SERINC4: variants seen among roughly 807,000 people sequenced by gnomAD.
The protein encoded by SERINC4 is serine incorporator 4.
Under a neutral mutation model 52.0 loss-of-function variants are expected in SERINC4, and 52 were observed. The ratio of observed to expected loss-of-function variants is 1.00; its 90% CI spans 0.80 to 1.26. SERINC4 has a LOEUF of 1.26. Ranked by LOEUF, SERINC4 falls within the 50% of genes most tolerant of loss-of-function variation. The probability of loss-of-function intolerance (pLI) is 0.00; values close to 1 mark genes in which losing one functional copy is unlikely to be tolerated. For synonymous variants in SERINC4, 264 were observed against 247.7 expected, an observed-to-expected ratio of 1.07 and a Z score of -0.62; for missense variants, 723 against 632.8, an observed-to-expected ratio of 1.14 and a Z score of -1.53.
At chr15:43,795,278 C>T (rs1463304788) in intron 11 of SERINC4, 65 bp from the exon 12 acceptor site, 40 of 1,592,470 alleles carry the variant, frequency 2.5e-5, no homozygotes, top group Non-Finnish European at 3.3e-5. Context: ...TGTTCTACCT[C>T]CTCACCAAAT....
At position 43,795,498 on chromosome 15, in the gene SERINC4, AGG is replaced by A; in HGVS notation, c.1231_1232del (p.Pro411SerfsTer39). 1.2e-6 allele frequency: 2 copies of A among 1,614,176 alleles called. No homozygotes were observed. The highest frequency in any genetic ancestry group is 1.7e-6 in the Non-Finnish European group (2 of 1,180,026). The part of the protein sequence containing the change: ...GAARPADQET[P>X]PAPPVQVQHL... ...GCTGGACTTGGACTGGAGGAGCTGG[AGG>A]GGTTTCTTGGTCAGCTGGCCTCGCA... On this transcript the variant is annotated frameshift_variant, in exon 11 of 12. Transcript: ENST00000319327. LOFTEE classifies it high-confidence loss of function.
chr15:43,795,025 G>C lies in SERINC4; in HGVS notation c.1532C>G (p.Pro511Arg). Residue 511 changes from proline to arginine, a missense_variant, in exon 12 of 12, where the codon CCA (proline) becomes CGA (arginine). Physicochemically the swap from Pro to Arg is moderately radical, Grantham distance 103. Transcript: ENST00000319327. ...TTAGACTGGAGGATATTTGTTATCT[G>C]GGGATATGATGCGGTGGCGGCGGCG... ...LRRRRHRIIS[P>R]DNKYPPV 1 of 1,611,930 alleles carries C rather than the reference G, an allele frequency of 6.2e-7. No individual in the cohort carries two copies. Among genetic ancestry groups the C allele is most frequent in the Non-Finnish European group, 8.5e-7 (1 of 1,179,750 alleles).
rs1207879250 is a variant in SERINC4 at position 43,799,607 on chromosome 15, C to A, written c.103-121G>T. On this transcript the variant is annotated intron_variant, in intron 1 of 11. Transcript: ENST00000319327. ...CCAAAATTTCCCCTTCCCCTTTCTT[C>A]CTTTTACTCAGGTTCTGTTTCAAGC... is the stretch of plus-strand genomic sequence containing the variant. 4 of 1,255,058 alleles carry A rather than the reference C, an allele frequency of 3.2e-6. No individual in the cohort carries two copies. In the Admixed American group the frequency reaches 7.9e-5, roughly 25 times the overall value. The allele number at this position is 1,255,058 out of a possible 1,614,324, so 77.7% of individuals were successfully genotyped here. A position where few individuals can be genotyped will look rare whatever the true frequency, so the allele number is the denominator to read the frequency against.
rs2087290628 is a variant in SERINC4, at chr15:43,800,148, G to A, written c.-162C>T. On this transcript the variant is annotated 5_prime_UTR_variant, in exon 1 of 12. Coordinates refer to ENST00000319327, the MANE Select transcript of SERINC4 (RefSeq NM_001258031.2). ...AAGAGAACACTGACCTCCAGGTTGC[G>A]GTAAATGCAAATGCCCTGTGAAGGA... 1 of 605,264 alleles carries A rather than the reference G, an allele frequency of 1.7e-6. No homozygotes were observed. The highest frequency in any genetic ancestry group is 4.4e-4 in the Middle Eastern group (1 of 2,268). The allele number at this position is 605,264 out of a possible 1,614,324, so 37.5% of individuals were successfully genotyped here.
intron 1 of SERINC4, 65 bp downstream of exon 1, chr15:43,799,819 GT>G (rs1447393468): frequency 8.0e-7 from 1 of 1,249,246 alleles, no homozygotes; most frequent in Non-Finnish European, 1.1e-6. Flanking sequence ...GAGGCCTGTC[GT>G]TTTTATTGGC....
In SERINC4 at chr15:43,797,229, G is replaced by T; in HGVS notation, c.760C>A (p.Leu254Met). ...FHYYTHPAGCLLNKMLLSLHL... is the reference protein window; with the variant it reads ...FHYYTHPAGCMLNKMLLSLHL... ...AGACTGAGGAGCATCTTGTTAAGCA[G>T]GCAGCCAGCTGGGTGTGTATAATAG... Residue 254 changes from leucine to methionine, a missense_variant, in exon 6 of 12, where the codon CTG (leucine) becomes ATG (methionine). Physicochemically the swap from Leu to Met is conservative, Grantham distance 15. Coordinates refer to ENST00000319327, the MANE Select transcript of SERINC4 (RefSeq NM_001258031.2). 1.3e-6 allele frequency: 2 copies of T among 1,550,746 alleles called. No individual in the cohort carries two copies. Among genetic ancestry groups the T allele is most frequent in the Non-Finnish European group, 1.7e-6 (2 of 1,146,996 alleles).
At chr15:43,795,294 G>A (rs1270422531) in intron 11 of SERINC4, 81 bp from the exon 12 acceptor site, 3 of 1,577,980 alleles carry the variant, frequency 1.9e-6, no homozygotes, top group Non-Finnish European at 2.6e-6. Flanking sequence ...CAAATATAAT[G>A]GCAGACCCAT....
chr15:43,795,475 T>C lies in SERINC4; in HGVS notation c.1256A>G (p.Gln419Arg). Residue 419 changes from glutamine (Q) to arginine (R), a missense_variant, in exon 11 of 12, where the codon CAG (glutamine) becomes CGG (arginine). Gln to Arg is a conservative substitution (Grantham distance 43, BLOSUM62 1). Transcript: ENST00000319327. The stretch of plus-strand genomic sequence containing the variant: ...GGCAGAATAGTTGTAGGAAAGATGC[T>C]GGACTTGGACTGGAGGAGCTGGAGG... ...ETPPAPPVQV[Q>R]HLSYNYSAFH... The C allele has an allele frequency of 1.9e-6, 3 of 1,614,204 alleles. No homozygotes were observed. In the South Asian group the frequency reaches 3.3e-5, roughly 18 times the overall value.
chr15:43,798,592 C>A, intron 3 of SERINC4, 88 bp from the exon 4 acceptor site: 2 of 959,908 alleles, frequency 2.1e-6, no homozygotes, highest in Admixed American at 2.0e-5. Context: ...AAAGAGAAAC[C>A]AAAAATATAG....
At position 43,798,514 on chromosome 15, in the gene SERINC4, A is replaced by C. The variant is rs1482942553; in HGVS notation, c.459-10T>G. On this transcript the variant is annotated splice_polypyrimidine_tract_variant and intron_variant, in intron 3 of 11. Coordinates refer to ENST00000319327, the MANE Select transcript of SERINC4 (RefSeq NM_001258031.2). ...CTTGAGGAGCCAGAAGCTGGTTAGG[A>C]GGGAGAAAGAAAAACAGACTCAGGA... 1 of 1,606,204 alleles carries C rather than the reference A, an allele frequency of 6.2e-7. No homozygotes were observed. The highest frequency in any genetic ancestry group is 2.2e-5 in the East Asian group (1 of 44,846).
intron 6 of SERINC4, 85 bp downstream of exon 6, chr15:43,797,060 C>T (rs2141692265): frequency 2.1e-6 from 3 of 1,452,210 alleles, no homozygotes; most frequent in Admixed American, 1.9e-5. Flanking sequence ...ATTCTTTTAT[C>T]AAATAATTGA....
rs1331638143 is a variant in SERINC4 at position 43,799,085 on chromosome 15, GGACA to G, written c.328_331del (p.Cys110GlnfsTer53). On this transcript the variant is annotated frameshift_variant, in exon 3 of 12. Transcript: ENST00000319327. LOFTEE classifies it high-confidence loss of function. The stretch of plus-strand genomic sequence containing the variant: ...CACAGCCCCAGAGCCACTGAGCACT[GGACA>G]GTCAGAGAGGCCAAACAGGTGGGCA... 3 of 1,550,542 alleles carry G rather than the reference GGACA, an allele frequency of 1.9e-6. No individual in the cohort carries two copies. The highest frequency in any genetic ancestry group is 3.9e-5 in the Admixed American group (2 of 50,998).
Position 43,797,168 on chromosome 15 carries a change from G to T in SERINC4, c.821C>A (p.Ser274Tyr). The change falls in exon 6 of 12, where the codon TCC (serine) becomes TAC (tyrosine). Residue 274 changes from serine to tyrosine, a missense_variant. Physicochemically the swap from Ser to Tyr is moderately radical, Grantham distance 144 (BLOSUM62 -2). Transcript: ENST00000319327. ...ACTGAGGCGGATGCAAGGAGCGATGGAGAGGAAGGAGATGAGGCCACAGAA... is the reference window on the plus strand; with the variant it reads ...ACTGAGGCGGATGCAAGGAGCGATGTAGAGGAAGGAGATGAGGCCACAGAA... ...LCFCGLISFL[S>Y]IAPCIRLKQP... is the part of the protein sequence containing the mutation. The T allele has an allele frequency of 6.4e-7, 1 of 1,551,264 alleles. No individual in the cohort carries two copies. The highest frequency in any genetic ancestry group is 8.7e-7 in the Non-Finnish European group (1 of 1,147,056).
chr15:43,799,298 CCT>C lies in SERINC4; in HGVS notation c.279+10_279+11del. On this transcript the variant is annotated intron_variant, in intron 2 of 11. Transcript: ENST00000319327. ...CTCTTCCCACCTGACAACCCGACCC[CCT>C]CTCACTTACCCTGTGTGTCTTGCCC... 6.5e-7 allele frequency: 1 copy of C among 1,549,248 alleles called. No homozygotes were observed. Among genetic ancestry groups the C allele is most frequent in the Non-Finnish European group, 8.7e-7 (1 of 1,145,582 alleles).
At chr15:43,798,540 GA>G (rs1329606162) in intron 3 of SERINC4, 36 bp from the exon 4 acceptor site, 2 of 1,516,522 alleles carry the variant, frequency 1.3e-6, no homozygotes, top group African/African-American at 2.7e-5. Flanking sequence ...AGACTCAGGA[GA>G]AAAGGCAAAG....
chr15:43,800,077 G>A lies in SERINC4; in HGVS notation c.-91C>T. The A allele has an allele frequency of 1.0e-6, 1 of 990,754 alleles. No homozygotes were observed. The highest frequency in any genetic ancestry group is 1.4e-6 in the Non-Finnish European group (1 of 692,700). The allele number at this position is 990,754 out of a possible 1,614,324, so 61.4% of individuals were successfully genotyped here. On this transcript the variant is annotated 5_prime_UTR_variant, in exon 1 of 12. Transcript: ENST00000319327. The stretch of plus-strand genomic sequence containing the variant: ...GTCCTCAGCCCATTGGACTGCCACT[G>A]TGTTGGGGCTGAGCACCCGGTCCCG...
chr15:43,796,504 CA>C, intron 8 of SERINC4, 111 bp downstream of exon 8: 1 of 1,207,472 alleles, frequency 8.3e-7, no homozygotes, highest in Non-Finnish European at 1.2e-6. Flanking sequence ...GAGCTTTTCT[CA>C]CTCTAGTCTT....
intron 3 of SERINC4, 120 bp downstream of exon 3, chr15:43,798,839 G>T: frequency 9.9e-7 from 1 of 1,006,984 alleles, no homozygotes; most frequent in Non-Finnish European, 1.5e-6. Flanking sequence ...GAGAAGCAGG[G>T]ACTTAAACCT....
In SERINC4 at chr15:43,794,820, G is replaced by C. The variant is rs1469288790; in HGVS notation, c.*180C>G. The C allele has an allele frequency of 5.2e-6, 3 of 582,230 alleles. No homozygotes were observed. Among genetic ancestry groups the C allele is most frequent in the East Asian group, 2.8e-5 (1 of 36,084 alleles). 36.1% of individuals were successfully genotyped at this position (582,230 alleles called of 1,614,324 possible). ...ATGTAACAGTAGCTCCAGTGAGTCA[G>C]ACACTCTGCCCAGCACATTAGACTG... is the stretch of plus-strand genomic sequence containing the variant. On this transcript the variant is annotated 3_prime_UTR_variant, in exon 12 of 12. Coordinates refer to ENST00000319327, the MANE Select transcript of SERINC4 (RefSeq NM_001258031.2).
Sources: gnomAD v4.1 joint callset for allele counts on GRCh38, gnomAD v4.1.1 for gene constraint, MANE v1.5 for transcripts, NCBI Gene and HGNC (gene_info 2026-07-23, HGNC 2026-07-21) for gene names.